Variants in HDAC6 observed in about 807,000 individuals in gnomAD.
HDAC6 encodes histone deacetylase 6.
A neutral mutation model predicts 88.9 loss-of-function variants in HDAC6; 5 were observed. The observed-to-expected ratio is 0.06, with a 90% CI of 0.03 to 0.12. HDAC6 has a LOEUF of 0.12. HDAC6 is among the 10% of genes least tolerant of loss of function. The pLI is 1.00. For missense variants in HDAC6, 706 were observed against 1,014.4 expected (o/e 0.70, Z 4.13); for synonymous variants, 378 against 398.0 (o/e 0.95, Z 0.60).
rs2062734960 is a variant in HDAC6 at position 48,802,099 on chromosome X, G to C, written c.-74G>C. ...GGAACGGGGCAGTCCCCTGAGGAGCGGGGCTGGTTGAAACGCTAGGGGCGG... is the reference window on the plus strand; with the variant it reads ...GGAACGGGGCAGTCCCCTGAGGAGCCGGGCTGGTTGAAACGCTAGGGGCGG... On this transcript the variant is annotated 5_prime_UTR_variant, in exon 1 of 29. Transcript: ENST00000334136. 2.2e-6 allele frequency: 2 copies of C among 890,848 alleles called. No individual in the cohort carries two copies. The highest frequency in any genetic ancestry group is 2.8e-6 in the Non-Finnish European group (2 of 718,077). 73.4% of individuals were successfully genotyped at this position (890,848 alleles called of 1,213,427 possible). A position where few individuals can be genotyped will look rare whatever the true frequency, so the allele number is the denominator to read the frequency against.
In HDAC6 at chrX:48,822,763, T is replaced by C. The variant is rs1179279098; in HGVS notation, c.2481T>C (p.His827=). The C allele has an allele frequency of 8.3e-7, 1 of 1,202,491 alleles. No homozygotes were observed. The highest frequency in any genetic ancestry group is 1.1e-6 in the Non-Finnish European group (1 of 891,206). Residue 827 remains histidine (H), a synonymous_variant, in exon 24 of 29, where the codon CAT becomes CAC. Coordinates refer to ENST00000334136, the MANE Select transcript of HDAC6 (RefSeq NM_006044.4). The part of the protein sequence containing the change: ...LASITETIQV[H]RRYWRSLRVM... ...CAATCACTGAGACCATCCAAGTCCA[T>C]CGCAGATACTGGCGCAGCTTACGGG...
chrX:48,811,469 T>A (rs1271168096), intron 10 of HDAC6, among the ~76,000 whole-genome samples: 1 of 112,230 alleles, frequency 8.9e-6, no homozygotes, highest in Non-Finnish European at 1.9e-5. Flanking sequence ...GAAGGCCCAT[T>A]GTAGGGGGCT....
chrX:48,817,858 C>T (rs1448542417), intron 20 of HDAC6, 183 bp from the exon 21 acceptor site: 6 of 462,430 alleles, frequency 1.3e-5, no homozygotes, highest in Admixed American at 1.1e-4. Context: ...GGCCCAGCCC[C>T]GAGCACTTGC....
chrX:48,815,298 A>C, intron 14 of HDAC6, 86 bp from the exon 15 acceptor site: 8 of 677,244 alleles, frequency 1.2e-5, no homozygotes, highest in Non-Finnish European at 1.9e-5. Flanking sequence ...GACATGTGGT[A>C]TGCACTCTCT....
At chrX:48,804,868 TGAA>T (rs1357715485) in intron 4 of HDAC6, among the ~76,000 whole-genome samples, 1 of 89,367 alleles carries the variant, frequency 1.1e-5, no homozygotes, top group East Asian at 3.3e-4. Context: ...TCTGAAGAGG[TGAA>T]GGAGTAAGTC....
At chrX:48,814,043 A>G (rs1406710909) in intron 10 of HDAC6, 3 of 144,695 alleles carry the variant, frequency 2.1e-5, no homozygotes, top group African/African-American at 9.6e-5. Context: ...GTGGGCGGAC[A>G]TGATCTAGAG....
At chrX:48,807,189 C>T (rs997542723) in intron 8 of HDAC6, among the ~76,000 whole-genome samples, 13 of 112,254 alleles carry the variant, frequency 1.2e-4, no homozygotes, top group South Asian at 3.7e-4. Flanking sequence ...ATACTCCCTT[C>T]GTACCATCTT....
In HDAC6 at chrX:48,824,825, A is replaced by T. The variant is rs782196516; in HGVS notation, c.*213A>T. 1.8e-6 allele frequency: 2 copies of T among 1,109,002 alleles called. No homozygotes were observed. The highest frequency in any genetic ancestry group is 2.4e-6 in the Non-Finnish European group (2 of 849,694). The allele number at this position is 1,109,002 out of a possible 1,213,427, so 91.4% of individuals were successfully genotyped here. ...TCTCCCCCTGCCCATTGCCTGCTTG[A>T]GGGGCACCACTACTCCAGCCCAGAA... On this transcript the variant is annotated 3_prime_UTR_variant, in exon 29 of 29. Transcript: ENST00000334136.
chrX:48,816,010 T>C lies in HDAC6; in HGVS notation c.1451T>C (p.Val484Ala), dbSNP rs1256626516. The C allele has an allele frequency of 1.7e-6, 2 of 1,211,471 alleles. No individual in the cohort carries two copies. Among genetic ancestry groups the C allele is most frequent in the African/African-American group, 3.5e-5 (2 of 57,732 alleles). ...GTGCTACAGTCTCGCACAGGGCTGGTCTATGACCAAAATATGATGAATCAC... is the reference window on the plus strand; with the variant it reads ...GTGCTACAGTCTCGCACAGGGCTGGCCTATGACCAAAATATGATGAATCAC... ...WPVLQSRTGL[V>A]YDQNMMNHCN... The change falls in exon 17 of 29, where the codon GTC becomes GCC. Residue 484 changes from valine to alanine, a missense_variant. By Grantham distance (64) the Val-to-Ala change is moderately conservative. Transcript: ENST00000334136.
chrX:48,815,263 C>A, intron 14 of HDAC6, 121 bp from the exon 15 acceptor site: 1 of 579,140 alleles, frequency 1.7e-6, no homozygotes, highest in Non-Finnish European at 2.9e-6. Context: ...TTCAGTGAGG[C>A]ACCCTTCTAA....
In HDAC6 at chrX:48,808,285, C is replaced by T. The variant is rs782692797; in HGVS notation, c.765C>T (p.His255=). ...TCCTTATCGTAGATTGGGATGTGCA[C>T]CACGGTCAAGGAACACAGTTCACCT... The part of the protein sequence containing the change: ...RRVLIVDWDV[H]HGQGTQFTFD... Residue 255 remains histidine (H), a synonymous_variant, in exon 10 of 29, where the codon CAC becomes CAT. Transcript: ENST00000334136. 2.9e-5 allele frequency: 35 copies of T among 1,205,924 alleles called. No homozygotes were observed. The highest frequency in any genetic ancestry group is 2.9e-4 in the Admixed American group (13 of 45,469).
rs1557030561 is a variant in HDAC6, at chrX:48,822,986, T to A, written c.2587T>A (p.Leu863Ile). ...GGCACCCCAACCAGCCAAACCTAGGTTAGCTGAGCGGATGACCACACGAGA... is the reference window on the plus strand; with the variant it reads ...GGCACCCCAACCAGCCAAACCTAGGATAGCTGAGCGGATGACCACACGAGA... ...KKAPQPAKPRLAERMTTREKK... is the reference protein window; with the variant it reads ...KKAPQPAKPRIAERMTTREKK... Residue 863 changes from leucine to isoleucine, a missense_variant, in exon 25 of 29, where the codon TTA becomes ATA. Leu to Ile is a conservative substitution (Grantham distance 5, BLOSUM62 2). Transcript: ENST00000334136. 8.3e-7 allele frequency: 1 copy of A among 1,208,796 alleles called. No individual in the cohort carries two copies. Among genetic ancestry groups the A allele is most frequent in the Non-Finnish European group, 1.1e-6 (1 of 894,089 alleles).
At chrX:48,811,665 C>CT (rs782263709) in intron 10 of HDAC6, among the ~76,000 whole-genome samples, 1 of 112,206 alleles carries the variant, frequency 8.9e-6, no homozygotes, top group South Asian at 3.7e-4. Context: ...GGTAACATCT[C>CT]TTTTTTCCCT....
At chrX:48,820,506 AG>A (rs1435011821) in intron 23 of HDAC6, among the ~76,000 whole-genome samples, 1 of 53,868 alleles carries the variant, frequency 1.9e-5, no homozygotes, top group Non-Finnish European at 3.4e-5. Context: ...CTTATGAGGT[AG>A]GGTAAGCTTA....
rs1365208781 is a variant in HDAC6 at position 48,823,011 on chromosome X, A to T, written c.2612A>T (p.Glu871Val). The T allele has an allele frequency of 8.3e-7, 1 of 1,209,634 alleles. No homozygotes were observed. The highest frequency in any genetic ancestry group is 1.1e-6 in the Non-Finnish European group (1 of 895,006). Reference sequence around the variant, plus strand: ...TTAGCTGAGCGGATGACCACACGAGAAAAGAAGGTTCTGGAAGCAGGCATG... The same window carrying T: ...TTAGCTGAGCGGATGACCACACGAGTAAAGAAGGTTCTGGAAGCAGGCATG... ...PRLAERMTTREKKVLEAGMGK... is the reference protein window; with the variant it reads ...PRLAERMTTRVKKVLEAGMGK... Residue 871 changes from glutamate to valine, a missense_variant, in exon 25 of 29, where the codon GAA (glutamate) becomes GTA (valine). Around this residue, in one of 9 missense-constraint regions of HDAC6, gnomAD observed 89 missense variants for 90.9 expected, o/e 0.98. Transcript: ENST00000334136.
chrX:48,820,965 G>T (rs2063071175), intron 23 of HDAC6, among the ~76,000 whole-genome samples: 1 of 110,776 alleles, frequency 9.0e-6, no homozygotes. Context: ...AGCCTCCTGA[G>T]TCGCTGGGAT....
chrX:48,808,105 C>A lies in HDAC6; in HGVS notation c.705C>A (p.Ala235=). 8.3e-7 allele frequency: 1 copy of A among 1,206,110 alleles called. No homozygotes were observed. The highest frequency in any genetic ancestry group is 1.1e-6 in the Non-Finnish European group (1 of 892,001). ...TGTTCAACCACGTGGCTGTGGCAGC[C>A]CGCTATGCTCAACAGAAACACCGCA... ...YCMFNHVAVA[A]RYAQQKHRIR... The change falls in exon 9 of 29, where the codon GCC becomes GCA. Residue 235 remains alanine (A), a synonymous_variant. Transcript: ENST00000334136.
At chrX:48,819,340 CTG>C (rs1395253800) in intron 22 of HDAC6, 1 of 118,050 alleles carries the variant, frequency 8.5e-6, no homozygotes, top group Non-Finnish European at 1.8e-5. Flanking sequence ...ACCATCTTCT[CTG>C]TATGTGGTTC....
At chrX:48,817,231 G>A (rs1455796116) in intron 19 of HDAC6, 95 bp from the exon 20 acceptor site, 134 of 960,586 alleles carry the variant, frequency 1.4e-4, no homozygotes, top group South Asian at 4.2e-4. Flanking sequence ...CAGCCTGGGC[G>A]ACAGAGCGAG....
Sources: allele counts gnomAD v4.1 joint callset (sites outside exome capture counted in the v4.1 genomes callset), GRCh38; gene constraint gnomAD v4.1.1; regional missense constraint gnomAD v4.1.1; transcripts MANE v1.5; gene names NCBI Gene and HGNC (gene_info 2026-07-23, HGNC 2026-07-21).